AQP9: variants seen among roughly 807,000 people sequenced by gnomAD.
AQP9 encodes aquaporin 9.
Under a neutral mutation model 23.8 loss-of-function variants are expected in AQP9, and 19 were observed. That is an observed-to-expected ratio of 0.80 (90% confidence interval 0.56 to 1.17). AQP9 has a LOEUF of 1.17. Among genes scored for constraint, AQP9 ranks in the 50% most tolerant of loss-of-function variants. The pLI, the probability that AQP9 is intolerant of heterozygous loss-of-function variation, is 0.00. For synonymous variants in AQP9, 153 were observed against 131.5 expected, an observed-to-expected ratio of 1.16 and a Z score of -1.12; for missense variants, 413 against 362.0, an observed-to-expected ratio of 1.14 and a Z score of -1.14.
intron 3 of AQP9, among the ~76,000 whole-genome samples, 192 bp downstream of exon 3, chr15:58,173,397 T>G (rs959974671): frequency 2.0e-5 from 3 of 152,154 alleles, no homozygotes; most frequent in African/African-American, 7.2e-5. Flanking sequence ...ATGAAAATGG[T>G]CATATCTTAA....
intron 1 of AQP9, chr15:58,164,107 A>C (rs2140614039): frequency 6.6e-6 from 1 of 152,512 alleles, no homozygotes; most frequent in East Asian, 1.9e-4. Context: ...TGCAGCACAC[A>C]GCATTGATTA....
intron 5 of AQP9, among the ~76,000 whole-genome samples, chr15:58,180,571 C>A (rs1270756860): frequency 6.6e-6 from 1 of 152,160 alleles, no homozygotes; most frequent in East Asian, 1.9e-4. Flanking sequence ...GTGACGGACA[C>A]TTCCTAGGAG....
intron 1 of AQP9, among the ~76,000 whole-genome samples, chr15:58,163,097 G>A (rs1041109334): frequency 2.0e-5 from 3 of 152,152 alleles, no homozygotes; most frequent in South Asian, 4.1e-4. Context: ...GGGTTGTGCC[G>A]ATGAGAGAAG....
In AQP9 at chr15:58,183,913, C is replaced by A. The variant is rs1898950136; in HGVS notation, c.714-48C>A. ...TGAGTGAAAAACTAGACAGTAATAC[C>A]AGGAGGAAGGCCAAGAAATGTATCA... On this transcript the variant is annotated intron_variant, in intron 5 of 5. Transcript: ENST00000219919. 5 of 1,596,144 alleles carry A rather than the reference C, an allele frequency of 3.1e-6. No individual in the cohort carries two copies. The East Asian group carries it at 6.7e-5, about 21-fold the overall frequency.
intron 2 of AQP9, among the ~76,000 whole-genome samples, chr15:58,171,130 C>T (rs575898225): frequency 1.3e-5 from 2 of 151,384 alleles, no homozygotes; most frequent in East Asian, 3.9e-4. Context: ...GCTCGTTGCC[C>T]AGGCTGGAGT....
At chr15:58,148,975 A>G (rs1898099310) in intron 1 of AQP9, among the ~76,000 whole-genome samples, 1 of 152,116 alleles carries the variant, frequency 6.6e-6, no homozygotes. Context: ...TCTTCCTGAT[A>G]TTCTGTCAGG....
In AQP9 at chr15:58,183,999, C is replaced by G. The variant is rs1457381626; in HGVS notation, c.752C>G (p.Pro251Arg). 3 of 1,614,076 alleles carry G rather than the reference C, an allele frequency of 1.9e-6. No individual in the cohort carries two copies. Among genetic ancestry groups the G allele is most frequent in the East Asian group, 2.2e-5 (1 of 44,864 alleles). ...NNFWWIPVVG[P>R]LVGAVIGGLI... The stretch of plus-strand genomic sequence containing the variant: ...TTCTGGTGGATTCCTGTAGTGGGCC[C>G]TTTGGTTGGTGCTGTCATTGGAGGC... The change falls in exon 6 of 6, where the codon CCT (proline) becomes CGT (arginine). Residue 251 changes from proline to arginine, a missense_variant. By Grantham distance (103) the Pro-to-Arg change is moderately radical. Transcript: ENST00000219919.
chr15:58,170,379 T>C (rs1178879964), intron 2 of AQP9, among the ~76,000 whole-genome samples: 6 of 152,046 alleles, frequency 3.9e-5, no homozygotes, highest in Non-Finnish European at 7.4e-5. Flanking sequence ...GTCTGAGCTA[T>C]CTAAATAAGG....
At chr15:58,168,771 G>C (rs574747382) in intron 2 of AQP9, among the ~76,000 whole-genome samples, 2 of 152,250 alleles carry the variant, frequency 1.3e-5, no homozygotes, top group East Asian at 3.9e-4. Context: ...TCCAAGAAGG[G>C]CACAAGAAAA....
rs186742123 is a variant in AQP9, at chr15:58,163,412, T to C, written c.112-3261T>C. The stretch of plus-strand genomic sequence containing the variant: ...GGGGACAGAATAAAATCAAAGAGAC[T>C]CACATATTACAGACCATGATACATT... On this transcript the variant is annotated intron_variant, in intron 1 of 5. Transcript: ENST00000219919. 2.8e-5 allele frequency among the ~76,000 whole-genome samples: 4 copies of C among 145,206 alleles called. No homozygotes were observed. In the East Asian group the frequency reaches 8.2e-4, roughly 30 times the overall value.
chr15:58,173,078 C>T lies in AQP9; in HGVS notation c.249C>T (p.Ile83=), dbSNP rs781504497. 5 of 1,613,908 alleles carry T rather than the reference C, an allele frequency of 3.1e-6. No homozygotes were observed. In the East Asian group the frequency reaches 1.1e-4, roughly 36 times the overall value. ...AATCTTCCCTTGCAGGTGGTCACAT[C>T]AACCCAGCTGTGTCTTTAGCAATGT... is the stretch of plus-strand genomic sequence containing the variant. ...YVAGGVSGGH[I]NPAVSLAMCL... Residue 83 remains isoleucine (I), a synonymous_variant, in exon 3 of 6, where the codon ATC becomes ATT. Transcript: ENST00000219919.
Position 58,165,601 on chromosome 15 carries a change from A to G in AQP9, c.112-1072A>G, listed in dbSNP as rs1261733166. ...CTGCTCTGCATCTTTTTTTATTTTA[A>G]TAATATACCTTGGGGGTCTTTCCAC... On this transcript the variant is annotated intron_variant, in intron 1 of 5. Coordinates refer to ENST00000219919, the MANE Select transcript of AQP9 (RefSeq NM_020980.5). 2.6e-5 allele frequency among the ~76,000 whole-genome samples: 4 copies of G among 152,166 alleles called. No individual in the cohort carries two copies. In the East Asian group the frequency reaches 7.7e-4, roughly 29 times the overall value.
At chr15:58,140,002 C>T (rs981894133) in intron 1 of AQP9, among the ~76,000 whole-genome samples, 11 of 152,170 alleles carry the variant, frequency 7.2e-5, no homozygotes, top group African/African-American at 2.4e-4. Context: ...TTCCCGGTCA[C>T]TGCTTACTGG....
intron 4 of AQP9, 101 bp from the exon 5 acceptor site, chr15:58,179,027 G>T: frequency 1.3e-6 from 1 of 783,006 alleles, no homozygotes; most frequent in South Asian, 1.8e-5. Flanking sequence ...AAGTAAAATA[G>T]TAATATTGTA....
At chr15:58,156,963 G>C (rs1363800240) in intron 1 of AQP9, among the ~76,000 whole-genome samples, 3 of 152,134 alleles carry the variant, frequency 2.0e-5, no homozygotes, top group Admixed American at 2.0e-4. Context: ...GGAAACAGGA[G>C]CACTTTCCTC....
intron 1 of AQP9, chr15:58,155,399 A>AT: frequency 6.6e-6 from 1 of 152,276 alleles, no homozygotes; most frequent in East Asian, 1.9e-4. Flanking sequence ...CACCTATTCT[A>AT]CAAACCTGCT....
chr15:58,163,039 T>A (rs541667892), intron 1 of AQP9, among the ~76,000 whole-genome samples: 1 of 152,310 alleles, frequency 6.6e-6, no homozygotes, highest in East Asian at 1.9e-4. Context: ...TAATAGGTGG[T>A]GCTGAGTCAA....
intron 2 of AQP9, among the ~76,000 whole-genome samples, chr15:58,170,986 G>T (rs548969893): frequency 6.6e-6 from 1 of 151,454 alleles, no homozygotes; most frequent in Non-Finnish European, 1.5e-5. Context: ...GTGCAGTGGC[G>T]CAATCTCTGC....
At chr15:58,170,413 C>CA (rs796362289) in intron 2 of AQP9, among the ~76,000 whole-genome samples, 8 of 145,498 alleles carry the variant, frequency 5.5e-5, no homozygotes, top group Non-Finnish European at 9.1e-5. Context: ...CTTCAACTTT[C>CA]TTTTTTTTTT....
Sources: allele counts gnomAD v4.1 joint callset (sites outside exome capture counted in the v4.1 genomes callset), GRCh38; gene constraint gnomAD v4.1.1; transcripts MANE v1.5; gene names NCBI Gene and HGNC (gene_info 2026-07-23, HGNC 2026-07-21).